The following PSMB3 variants were observed in gnomAD, a reference collection of about 807,000 sequenced individuals.
PSMB3 encodes proteasome 20S subunit beta 3, also known as proteasome subunit beta type-3.
In PSMB3, 5 loss-of-function variants were observed where a neutral mutation model predicts 23.3. That is an observed-to-expected ratio of 0.21 (90% CI 0.11 to 0.45). The LOEUF (loss-of-function observed/expected upper bound fraction) is 0.45, where lower values mean the gene tolerates loss of function less well. Ranked by LOEUF, PSMB3 falls within the 20% of genes least tolerant of loss-of-function variation. PSMB3 has a pLI of 0.99. For missense variants in PSMB3, 192 were observed against 277.9 expected (o/e 0.69, Z 2.20); for synonymous variants, 85 against 99.8 (o/e 0.85, Z 0.88).
At chr17:38,759,595 A>C (rs190767188) in intron 3 of PSMB3, among the ~76,000 whole-genome samples, 90 of 149,602 alleles carry the variant, frequency 6.0e-4, no homozygotes, top group African/African-American at 2.2e-3. Context: ...CTCAGGCTGG[A>C]GTGCAGTGGC....
At chr17:38,758,313 A>G (rs776769381) in intron 3 of PSMB3, among the ~76,000 whole-genome samples, 13 of 151,778 alleles carry the variant, frequency 8.6e-5, no homozygotes, top group South Asian at 4.2e-4. Context: ...TAAGAGTAAG[A>G]CATTTATTTT....
intron 3 of PSMB3, among the ~76,000 whole-genome samples, chr17:38,759,548 CTTTTCTTT>C (rs1908346649): frequency 6.9e-6 from 1 of 143,918 alleles, no homozygotes; most frequent in Non-Finnish European, 1.5e-5. Flanking sequence ...TTTTTCTTTT[CTTTTCTTT>C]TTTTCTGAGA....
chr17:38,761,348 CAA>C (rs1236248256), intron 4 of PSMB3, among the ~76,000 whole-genome samples: 17 of 88,194 alleles, frequency 1.9e-4, no homozygotes, highest in Middle Eastern at 6.5e-3. Flanking sequence ...AACTCCGTCT[CAA>C]AAAAAAAAAA....
At chr17:38,764,091 G>C (rs369465362) in intron 5 of PSMB3, 28 bp from the exon 6 acceptor site, 1 of 1,614,032 alleles carries the variant, frequency 6.2e-7, no homozygotes, top group Admixed American at 1.7e-5. Flanking sequence ...GGGTAGAGAT[G>C]TTTTCTTGTG....
chr17:38,754,596 C>CA (rs752595986), intron 2 of PSMB3, among the ~76,000 whole-genome samples: 4 of 152,218 alleles, frequency 2.6e-5, no homozygotes, highest in Non-Finnish European at 5.9e-5. Flanking sequence ...CTGGTAGAGT[C>CA]AGAGAATGAC....
At chr17:38,756,099 G>A in intron 3 of PSMB3, 109 bp downstream of exon 3, 1 of 901,346 alleles carries the variant, frequency 1.1e-6, no homozygotes, top group Non-Finnish European at 1.8e-6. Context: ...CTTATTTGCA[G>A]GATAATATCC....
chr17:38,756,139 T>G, intron 3 of PSMB3, 149 bp downstream of exon 3: 2 of 667,784 alleles, frequency 3.0e-6, no homozygotes, highest in South Asian at 1.9e-5. Flanking sequence ...TCTTTGGGCC[T>G]GTCTGGCAAC....
At chr17:38,757,790 G>A (rs1168313317) in intron 3 of PSMB3, among the ~76,000 whole-genome samples, 3 of 152,126 alleles carry the variant, frequency 2.0e-5, no homozygotes, top group Admixed American at 6.5e-5. Flanking sequence ...TGAGTAGCTG[G>A]GATTATAGGC....
chr17:38,757,003 G>GATTACA (rs1197783639), intron 3 of PSMB3, among the ~76,000 whole-genome samples: 1 of 144,168 alleles, frequency 6.9e-6, no homozygotes, highest in African/African-American at 2.5e-5. Flanking sequence ...GAGTAGCTGG[G>GATTACA]ATTACAGGTG....
Sources: gnomAD v4.1 joint callset for allele counts (sites outside exome capture counted in the v4.1 genomes callset) on GRCh38, gnomAD v4.1.1 for gene constraint, MANE v1.5 for transcripts, NCBI Gene and HGNC (gene_info 2026-07-23, HGNC 2026-07-21) for gene names.